Variants in CAMKMT observed in about 807,000 individuals in gnomAD.
CAMKMT encodes CaM KMT.
In CAMKMT, 53 loss-of-function variants were observed where a neutral mutation model predicts 48.0. The ratio of observed to expected loss-of-function variants is 1.10; its 90% CI spans 0.89 to 1.39. CAMKMT has a LOEUF of 1.39. Among genes scored for constraint, CAMKMT ranks in the 40% most tolerant of loss-of-function variants. The pLI is 0.00. For synonymous variants in CAMKMT, 165 were observed against 152.3 expected (o/e 1.08, Z -0.61); for missense variants, 428 against 402.7 (o/e 1.06, Z -0.54).
chr2:44,614,185 A>ACT (rs1371534861), intron 3 of CAMKMT, among the ~76,000 whole-genome samples: 2 of 152,336 alleles, frequency 1.3e-5, no homozygotes, highest in African/African-American at 4.8e-5. Context: ...GAAAAACAGA[A>ACT]GAGAGGGCAT....
At chr2:44,679,769 T>C (rs139851865) in intron 3 of CAMKMT, among the ~76,000 whole-genome samples, 5 of 152,338 alleles carry the variant, frequency 3.3e-5, no homozygotes, top group African/African-American at 1.2e-4. Flanking sequence ...ATCAGCAACA[T>C]GCACAGTTGG....
intron 3 of CAMKMT, chr2:44,456,472 A>T: frequency 6.9e-7 from 1 of 1,442,162 alleles, no homozygotes; most frequent in Non-Finnish European, 9.4e-7. Context: ...AAATATGTAC[A>T]TTCTTGTGAA....
At chr2:44,504,359 A>G (rs546764763) in intron 3 of CAMKMT, among the ~76,000 whole-genome samples, 1 of 152,350 alleles carries the variant, frequency 6.6e-6, no homozygotes, top group Admixed American at 6.5e-5. Flanking sequence ...TCAGATTTCA[A>G]GTATTTATAG....
chr2:44,402,506 A>G (rs1332069579), intron 3 of CAMKMT, among the ~76,000 whole-genome samples: 1 of 151,866 alleles, frequency 6.6e-6, no homozygotes, highest in African/African-American at 2.4e-5. Flanking sequence ...CATTATTCCA[A>G]TATTTTATGA....
chr2:44,456,548 T>C lies in CAMKMT; in HGVS notation c.376+66243T>C, dbSNP rs1228813319. 5.8e-6 allele frequency: 9 copies of C among 1,549,604 alleles called. No individual in the cohort carries two copies. The East Asian group carries it at 2.0e-4, about 34-fold the overall frequency. On this transcript the variant is annotated intron_variant, in intron 3 of 10. Transcript: ENST00000378494. The stretch of plus-strand genomic sequence containing the variant: ...CAGCCAAGTTTACCTTTTCTATACA[T>C]GTCATCCTTTCTCTTTTAGGGGAAG...
chr2:44,474,749 C>T (rs1668599005), intron 3 of CAMKMT, among the ~76,000 whole-genome samples: 1 of 152,166 alleles, frequency 6.6e-6, no homozygotes, highest in Non-Finnish European at 1.5e-5. Context: ...CCCTGTACTC[C>T]AAATAACATT....
At chr2:44,743,112 A>G (rs1558830721) in intron 7 of CAMKMT, among the ~76,000 whole-genome samples, 1 of 152,218 alleles carries the variant, frequency 6.6e-6, no homozygotes, top group East Asian at 1.9e-4. Context: ...ATTTTTCACT[A>G]TGCCTAAAAA....
At chr2:44,700,351 G>C (rs965464166) in intron 3 of CAMKMT, among the ~76,000 whole-genome samples, 4 of 152,174 alleles carry the variant, frequency 2.6e-5, no homozygotes, top group African/African-American at 4.8e-5. Context: ...GTTCCTTCAA[G>C]AACTTTTCTT....
intron 3 of CAMKMT, among the ~76,000 whole-genome samples, chr2:44,391,049 G>A (rs982941151): frequency 6.6e-6 from 1 of 152,062 alleles, no homozygotes; most frequent in African/African-American, 2.4e-5. Context: ...TGAAATATGA[G>A]CATTTTAAAT....
At chr2:44,758,743 TC>T (rs1360197467) in intron 9 of CAMKMT, among the ~76,000 whole-genome samples, 1 of 152,168 alleles carries the variant, frequency 6.6e-6, no homozygotes, top group Non-Finnish European at 1.5e-5. Flanking sequence ...TCCTTAAAAG[TC>T]CATGACAACA....
chr2:44,593,944 G>A (rs1670487031), intron 3 of CAMKMT, among the ~76,000 whole-genome samples: 1 of 151,886 alleles, frequency 6.6e-6, no homozygotes, highest in African/African-American at 2.4e-5. Context: ...GGTATTTTTA[G>A]TAGGGATGGG....
intron 3 of CAMKMT, among the ~76,000 whole-genome samples, chr2:44,410,279 C>T (rs1380873853): frequency 1.0e-4 from 1 of 9,770 alleles, no homozygotes; most frequent in African/African-American, 7.2e-4. Context: ...TTTTTTGAGA[C>T]GGAGTCTTGC....
chr2:44,711,398 A>G (rs1677869489), intron 6 of CAMKMT, among the ~76,000 whole-genome samples: 1 of 152,234 alleles, frequency 6.6e-6, no homozygotes, highest in Non-Finnish European at 1.5e-5. Context: ...ATACATTTAT[A>G]TACATGAAGG....
intron 3 of CAMKMT, among the ~76,000 whole-genome samples, chr2:44,545,174 C>T (rs893423861): frequency 1.3e-5 from 2 of 152,096 alleles, no homozygotes; most frequent in Non-Finnish European, 2.9e-5. Context: ...CGGTATGGGG[C>T]AAAATTAAAG....
Position 44,367,044 on chromosome 2 carries a change from C to T in CAMKMT, c.138+4899C>T, listed in dbSNP as rs75293582. Among the ~76,000 whole-genome samples the T allele has an allele frequency of 0.025, 3,861 of 152,142 alleles. 296 individuals carry two copies. In the East Asian group the frequency reaches 0.29, roughly 12 times the overall value. On this transcript the variant is annotated intron_variant, in intron 1 of 10. Coordinates refer to ENST00000378494, the MANE Select transcript of CAMKMT (RefSeq NM_024766.5). ...CCGGCCTGTTGCTGTGTCTTAAAAACGGGAAACACTATAGCTTCCGCATGT... is the reference window on the plus strand; with the variant it reads ...CCGGCCTGTTGCTGTGTCTTAAAAATGGGAAACACTATAGCTTCCGCATGT...
At chr2:44,400,948 AT>A (rs1682320861) in intron 3 of CAMKMT, 1 of 143,308 alleles carries the variant, frequency 7.0e-6, no homozygotes, top group Non-Finnish European at 1.5e-5. Context: ...ATATATATAT[AT>A]ATATATATAT....
At chr2:44,410,435 AT>A (rs1683125605) in intron 3 of CAMKMT, among the ~76,000 whole-genome samples, 2 of 148,188 alleles carry the variant, frequency 1.3e-5, no homozygotes, top group Non-Finnish European at 3.0e-5. Context: ...TTTTTTTTGT[AT>A]TTTTAGTAAA....
At chr2:44,692,477 A>C (rs990080390) in intron 3 of CAMKMT, among the ~76,000 whole-genome samples, 4 of 152,186 alleles carry the variant, frequency 2.6e-5, no homozygotes, top group African/African-American at 9.6e-5. Flanking sequence ...CCTTCACAGC[A>C]CTATTCACTG....
intron 3 of CAMKMT, 100 bp downstream of exon 3, chr2:44,390,405 A>C (rs927792792): frequency 3.8e-6 from 3 of 786,076 alleles, no homozygotes; most frequent in South Asian, 1.8e-5. Context: ...TACTCACTAA[A>C]TGTATGCATA....
Sources: allele counts gnomAD v4.1 joint callset (sites outside exome capture counted in the v4.1 genomes callset), GRCh38; gene constraint gnomAD v4.1.1; transcripts MANE v1.5; gene names NCBI Gene and HGNC (gene_info 2026-07-23, HGNC 2026-07-21).